WDR46: variants seen among roughly 807,000 people sequenced by gnomAD.
WDR46 encodes WD repeat-containing protein 46.
In WDR46, 58 loss-of-function variants were observed where a neutral mutation model predicts 74.7. That is an observed-to-expected ratio of 0.78 (90% confidence interval 0.63 to 0.97). The LOEUF is 0.97. WDR46 is among the 50% of genes least tolerant of loss of function. The pLI, the probability that WDR46 is intolerant of heterozygous loss-of-function variation, is 0.00. For missense variants in WDR46, 702 were observed against 790.1 expected, an observed-to-expected ratio of 0.89 and a Z score of 1.34; for synonymous variants, 278 against 297.3, an observed-to-expected ratio of 0.93 and a Z score of 0.67.
At chr6:33,285,675 CA>C (rs1447694907) in intron 10 of WDR46, among the ~76,000 whole-genome samples, 2 of 152,048 alleles carry the variant, frequency 1.3e-5, no homozygotes, top group Non-Finnish European at 2.9e-5. Context: ...AGGCCCCCGC[CA>C]CGACACCCGG....
chr6:33,281,028 G>C, intron 10 of WDR46, 41 bp from the exon 11 acceptor site: 1 of 1,540,620 alleles, frequency 6.5e-7, no homozygotes, highest in Non-Finnish European at 8.8e-7. Flanking sequence ...TCAGTAAATG[G>C]GTTTACCAAG....
chr6:33,286,918 T>C, intron 9 of WDR46, 24 bp from the exon 10 acceptor site: 2 of 1,612,772 alleles, frequency 1.2e-6, no homozygotes, highest in East Asian at 2.2e-5. Context: ...AGAACCAAAG[T>C]TGCTAATACA....
At chr6:33,282,214 G>A (rs1391950243) in intron 10 of WDR46, among the ~76,000 whole-genome samples, 1 of 152,100 alleles carries the variant, frequency 6.6e-6, no homozygotes, top group Non-Finnish European at 1.5e-5. Flanking sequence ...TTTTTGCCTT[G>A]GCTGTGAACC....
rs1367934928 is a variant in WDR46, at chr6:33,287,525, GT to G, written c.729-21del. The G allele has an allele frequency of 4.3e-6, 7 of 1,613,296 alleles. No homozygotes were observed. In the African/African-American group the frequency reaches 9.4e-5, roughly 22 times the overall value. On this transcript the variant is annotated intron_variant, in intron 7 of 14. Coordinates refer to ENST00000374617, the MANE Select transcript of WDR46 (RefSeq NM_005452.6). Reference sequence around the variant, plus strand: ...AGAAACCTGGGGGAGAGGAAGAGTGGTTCAATTGGGAAATGAGGTCACAGGC... The same window carrying G: ...AGAAACCTGGGGGAGAGGAAGAGTGGTCAATTGGGAAATGAGGTCACAGGC...
At chr6:33,287,311 T>C (rs373875531) in intron 8 of WDR46, 44 bp downstream of exon 8, 96 of 1,612,360 alleles carry the variant, frequency 6.0e-5, no homozygotes, top group Non-Finnish European at 7.6e-5. Context: ...GAGGTGGTCA[T>C]CCCAAGGGCT....
chr6:33,286,713 C>T lies in WDR46; in HGVS notation c.1115+82G>A, dbSNP rs191949389. 99 of 1,357,748 alleles carry T rather than the reference C, an allele frequency of 7.3e-5. No homozygotes were observed. The Middle Eastern group carries it at 1.3e-3, about 18-fold the overall frequency. The allele number at this position is 1,357,748 out of a possible 1,614,324, so 84.1% of individuals were successfully genotyped here. ...TAAACCTGGGCATCCTGGCTTTAGA[C>T]TCTGTGCTCCTAAAGCACACTGCCT... On this transcript the variant is annotated intron_variant, in intron 10 of 14. Transcript: ENST00000374617.
At chr6:33,286,756 A>C in intron 10 of WDR46, 39 bp downstream of exon 10, 1 of 1,587,752 alleles carries the variant, frequency 6.3e-7, no homozygotes, top group African/African-American at 1.4e-5. Flanking sequence ...CTTTCTGCCC[A>C]CCTATGACTC....
chr6:33,287,510 G>A lies in WDR46; in HGVS notation c.729-5C>T. ...AGTGCCTCAGAATGGAGAAACCTGG[G>A]GGAGAGGAAGAGTGGTTCAATTGGG... On this transcript the variant is annotated splice_region_variant and splice_polypyrimidine_tract_variant and intron_variant, in intron 7 of 14. Transcript: ENST00000374617. The A allele has an allele frequency of 6.2e-7, 1 of 1,613,354 alleles. No individual in the cohort carries two copies. The highest frequency in any genetic ancestry group is 8.5e-7 in the Non-Finnish European group (1 of 1,179,924).
At chr6:33,285,580 A>G (rs1398764253) in intron 10 of WDR46, among the ~76,000 whole-genome samples, 1 of 151,850 alleles carries the variant, frequency 6.6e-6, no homozygotes, top group Admixed American at 6.5e-5. Flanking sequence ...TTGGAGTGCA[A>G]TGGCACAGTC....
In WDR46 at chr6:33,287,372, A is replaced by C; in HGVS notation, c.862T>G (p.Phe288Val). The change falls in exon 8 of 15, where the codon TTC becomes GTC. Residue 288 changes from phenylalanine (F) to valine (V), a missense_variant. Coordinates refer to ENST00000374617, the MANE Select transcript of WDR46 (RefSeq NM_005452.6). ...VTRLEFLPFH[F>V]LLATASETGF... ...CCACTCACAGCTGTAGCCAGGAGGA[A>C]GTGGAAGGGCAGGAACTCAAGCCGT... 6.2e-7 allele frequency: 1 copy of C among 1,612,770 alleles called. No individual in the cohort carries two copies. Among genetic ancestry groups the C allele is most frequent in the Non-Finnish European group, 8.5e-7 (1 of 1,179,822 alleles).
chr6:33,282,620 C>T (rs925674798), intron 10 of WDR46, among the ~76,000 whole-genome samples: 1 of 152,212 alleles, frequency 6.6e-6, no homozygotes, highest in Non-Finnish European at 1.5e-5. Flanking sequence ...CTGGAGCCCC[C>T]GTGGCCTGAC....
Position 33,279,863 on chromosome 6 carries a change from G to A in WDR46, c.1525-4C>T. Reference sequence around the variant, plus strand: ...GACAAATAAGCTCTGCAGGTACCTGGGGGTGTCACAGAGGGACAGGACTCA... The same window carrying A: ...GACAAATAAGCTCTGCAGGTACCTGAGGGTGTCACAGAGGGACAGGACTCA... On this transcript the variant is annotated splice_polypyrimidine_tract_variant and splice_region_variant and intron_variant, in intron 12 of 14. Transcript: ENST00000374617. 1 of 1,613,808 alleles carries A rather than the reference G, an allele frequency of 6.2e-7. No individual in the cohort carries two copies. The highest frequency in any genetic ancestry group is 8.5e-7 in the Non-Finnish European group (1 of 1,179,892).
In WDR46 at chr6:33,286,860, C is replaced by T; in HGVS notation, c.1050G>A (p.Glu350=). Residue 350 remains glutamate, a synonymous_variant, in exon 10 of 15, where the codon GAG becomes GAA. Coordinates refer to ENST00000374617, the MANE Select transcript of WDR46 (RefSeq NM_005452.6). ...TVSLWSPAMK[E]PLAKILCHRG... ...GATGACAGAGAATCTTTGCCAGTGG[C>T]TCCTTCATAGCTGGACTCCATAAAG... 1.2e-6 allele frequency: 2 copies of T among 1,614,120 alleles called. No individual in the cohort carries two copies. Among genetic ancestry groups the T allele is most frequent in the African/African-American group, 1.3e-5 (1 of 74,992 alleles).
intron 10 of WDR46, among the ~76,000 whole-genome samples, chr6:33,283,777 T>C (rs1278298491): frequency 6.6e-6 from 1 of 152,122 alleles, no homozygotes; most frequent in African/African-American, 2.4e-5. Flanking sequence ...CATGCACTTG[T>C]ACTCCCAGCT....
In WDR46 at chr6:33,287,648, C is replaced by T. The variant is rs775969472; in HGVS notation, c.694G>A (p.Glu232Lys). ...CGCACCGCCTCCATGACGTTGATCTCGCACATAAGCTTCTTTGTTACCCAA... is the reference window on the plus strand; with the variant it reads ...CGCACCGCCTCCATGACGTTGATCTTGCACATAAGCTTCTTTGTTACCCAA... ...LDWVTKKLMC[E>K]INVMEAVRDI... is the part of the protein sequence containing the mutation. Residue 232 changes from glutamate (E) to lysine (K), a missense_variant, in exon 7 of 15, where the codon GAG becomes AAG. Physicochemically the swap from Glu to Lys is moderately conservative, Grantham distance 56. Coordinates refer to ENST00000374617, the MANE Select transcript of WDR46 (RefSeq NM_005452.6). The T allele has an allele frequency of 5.0e-6, 8 of 1,614,040 alleles. No homozygotes were observed. Among genetic ancestry groups the T allele is most frequent in the South Asian group, 4.4e-5 (4 of 91,066 alleles).
chr6:33,279,619 G>T lies in WDR46; in HGVS notation c.1621-9C>A. The T allele has an allele frequency of 1.2e-6, 2 of 1,614,152 alleles. No individual in the cohort carries two copies. Among genetic ancestry groups the T allele is most frequent in the African/African-American group, 1.3e-5 (1 of 75,062 alleles). On this transcript the variant is annotated splice_polypyrimidine_tract_variant and intron_variant, in intron 13 of 14. Coordinates refer to ENST00000374617, the MANE Select transcript of WDR46 (RefSeq NM_005452.6). ...GCCTGCGGGTCATAGCCCTGAGGGA[G>T]GGGACAGGAGTGATATCTGTTACAG... is the stretch of plus-strand genomic sequence containing the variant.
At position 33,288,883 on chromosome 6, in the gene WDR46, G is replaced by C. The variant is rs958511798; in HGVS notation, c.200C>G (p.Ser67Cys). The C allele has an allele frequency of 5.6e-6, 9 of 1,613,984 alleles. No homozygotes were observed. The highest frequency in any genetic ancestry group is 7.6e-6 in the Non-Finnish European group (9 of 1,180,026). Residue 67 changes from serine to cysteine, a missense_variant, in exon 2 of 15, where the codon TCT becomes TGT. Transcript: ENST00000374617. ...GACCTGAGGCTTCTTAGAGATCCGA[G>C]ACTTCTTTAAGATGTAAGCATTTTT... ...RPKNAYILKK[S>C]RISKKPQVPK...
At chr6:33,287,303 G>A (rs763183652) in intron 8 of WDR46, 52 bp downstream of exon 8, 1 of 1,612,010 alleles carries the variant, frequency 6.2e-7, no homozygotes, top group Admixed American at 1.7e-5. Context: ...CTAAAGGAGA[G>A]GTGGTCATCC....
At chr6:33,281,339 G>C (rs1345142591) in intron 10 of WDR46, among the ~76,000 whole-genome samples, 1 of 151,930 alleles carries the variant, frequency 6.6e-6, no homozygotes, top group Non-Finnish European at 1.5e-5. Context: ...ACCCAAATGT[G>C]ATGTCCCCCT....
Sources: allele counts gnomAD v4.1 joint callset (sites outside exome capture counted in the v4.1 genomes callset), GRCh38; gene constraint gnomAD v4.1.1; transcripts MANE v1.5; gene names NCBI Gene and HGNC (gene_info 2026-07-23, HGNC 2026-07-21).